The following RHOU variants were observed in gnomAD, a reference collection of about 807,000 sequenced individuals.
RHOU encodes rho-related GTP-binding protein RhoU.
A neutral mutation model predicts 12.6 loss-of-function variants in RHOU; 8 were observed. The ratio of observed to expected loss-of-function variants is 0.64; its 90% confidence interval spans 0.37 to 1.15. The LOEUF (loss-of-function observed/expected upper bound fraction) is 1.15, where lower values mean the gene tolerates loss of function less well. RHOU is among the 50% of genes most tolerant of loss of function. The pLI is 0.01. For missense variants in RHOU, 258 were observed against 347.0 expected (o/e 0.74, Z 2.04); for synonymous variants, 161 against 147.4 (o/e 1.09, Z -0.67).
the RHOU span, among the ~76,000 whole-genome samples, chr1:228,646,940 G>A: frequency 6.6e-6 from 1 of 152,094 alleles, no homozygotes; most frequent in Non-Finnish European, 1.5e-5. Context: ...GGTAAAGAGA[G>A]AGAGGCTAAG....
chr1:228,719,629 C>A, the RHOU span, among the ~76,000 whole-genome samples: 3 of 152,088 alleles, frequency 2.0e-5, no homozygotes, highest in Non-Finnish European at 4.4e-5. Flanking sequence ...ACTTGGGAGG[C>A]TAAGGAGGGA....
At chr1:228,718,868 T>G in the RHOU span, among the ~76,000 whole-genome samples, 3 of 152,054 alleles carry the variant, frequency 2.0e-5, no homozygotes, top group Non-Finnish European at 4.4e-5. Context: ...CAGGAGGGAG[T>G]GCATCTCTTA....
rs964164425 is a variant in RHOU at position 228,735,873 on chromosome 1, G to C, written c.131G>C (p.Gly44Ala). Residue 44 changes from glycine (G) to alanine (A), a missense_variant, in exon 1 of 3, where the codon GGT becomes GCT. Transcript: ENST00000366691. The surrounding 1 kb of genome is among the most constrained non-coding windows in gnomAD (Gnocchi z 8.1). ...CCGGGGGGCCGGGGGCGTGCGGGGG[G>C]TGCCGAGGGGCGCGGCGTCAAGTGC... is the stretch of plus-strand genomic sequence containing the variant. The part of the protein sequence containing the change: ...GEPGGRGRAG[G>A]AEGRGVKCVL... The C allele has an allele frequency of 6.7e-7, 1 of 1,494,094 alleles. No individual in the cohort carries two copies. The highest frequency in any genetic ancestry group is 2.1e-5 in the Admixed American group (1 of 47,368). The allele number at this position is 1,494,094 out of a possible 1,614,324, so 92.6% of individuals were successfully genotyped here.
the RHOU span, among the ~76,000 whole-genome samples, chr1:228,693,047 A>G: frequency 6.6e-6 from 1 of 152,220 alleles, no homozygotes; most frequent in Non-Finnish European, 1.5e-5. Context: ...AGGGTACAAC[A>G]AGGGCCTTTT....
chr1:228,737,566 G>A lies in RHOU; in HGVS notation c.263-107G>A. ...TTAATTCATTAGAGGACCTAAAATA[G>A]GAGCAAAGGGGTTTGGAGTGAGAAT... On this transcript the variant is annotated intron_variant, in intron 1 of 2. Coordinates refer to ENST00000366691, the MANE Select transcript of RHOU (RefSeq NM_021205.6). The surrounding 1 kb of genome is among the most constrained non-coding windows in gnomAD (Gnocchi z 4.1). The A allele has an allele frequency of 1.8e-6, 2 of 1,101,376 alleles. No individual in the cohort carries two copies. The highest frequency in any genetic ancestry group is 2.8e-6 in the Non-Finnish European group (2 of 725,636). 68.2% of individuals were successfully genotyped at this position (1,101,376 alleles called of 1,614,324 possible).
At chr1:228,650,360 C>T in the RHOU span, 1 of 460,938 alleles carries the variant, frequency 2.2e-6, no homozygotes, top group Non-Finnish European at 4.4e-6. Context: ...TTGAGCGTGC[C>T]TGGCTCACTC....
the RHOU span, among the ~76,000 whole-genome samples, chr1:228,711,103 G>A: frequency 6.6e-6 from 1 of 151,732 alleles, no homozygotes; most frequent in African/African-American, 2.4e-5. Context: ...ACTTACAAGG[G>A]ATGTGAAGGA....
At chr1:228,662,332 A>G in the RHOU span, among the ~76,000 whole-genome samples, 222 of 152,360 alleles carry the variant, frequency 1.5e-3, no homozygotes, top group African/African-American at 5.2e-3. Context: ...ATTACTGGGT[A>G]TATACCCAAA....
At chr1:228,668,099 A>G in the RHOU span, among the ~76,000 whole-genome samples, 1 of 152,298 alleles carries the variant, frequency 6.6e-6, no homozygotes, top group South Asian at 2.1e-4. Context: ...TATGTAATGG[A>G]AGCTCCATAA....
At chr1:228,683,228 G>A in the RHOU span, among the ~76,000 whole-genome samples, 1 of 152,180 alleles carries the variant, frequency 6.6e-6, no homozygotes, top group Non-Finnish European at 1.5e-5. Flanking sequence ...TGGTTTGAAG[G>A]AGGCATTATC....
At chr1:228,739,511 TGAG>T (rs1662679606) in intron 2 of RHOU, among the ~76,000 whole-genome samples, 1 of 152,128 alleles carries the variant, frequency 6.6e-6, no homozygotes, top group Admixed American at 6.5e-5. Context: ...TGCAGTGGGC[TGAG>T]ATCGCGTCAC....
At chr1:228,707,184 T>TATATATATATACATATATATATAC in the RHOU span, among the ~76,000 whole-genome samples, 276 of 86,202 alleles carry the variant, frequency 3.2e-3, 16 homozygotes, top group African/African-American at 0.018. Flanking sequence ...ATTAACAAAA[T>TATATATATATACATATATATATAC]ATATATATAT....
the RHOU span, among the ~76,000 whole-genome samples, chr1:228,676,229 C>G: frequency 6.6e-6 from 1 of 151,866 alleles, no homozygotes; most frequent in South Asian, 2.1e-4. Flanking sequence ...CCTTGACCTT[C>G]CAAAGCACTG....
the RHOU span, among the ~76,000 whole-genome samples, chr1:228,717,935 G>A: frequency 6.6e-6 from 1 of 152,252 alleles, no homozygotes; most frequent in East Asian, 1.9e-4. Flanking sequence ...GGACCAGCAG[G>A]GTAGTGTCAT....
At chr1:228,687,898 T>C in the RHOU span, 1 of 818,162 alleles carries the variant, frequency 1.2e-6, no homozygotes, top group South Asian at 1.4e-5. Context: ...CTTTCTAACA[T>C]ATTGTTCTCC....
the RHOU span, among the ~76,000 whole-genome samples, chr1:228,655,637 G>A: frequency 2.6e-5 from 4 of 152,180 alleles, no homozygotes; most frequent in Non-Finnish European, 4.4e-5. Flanking sequence ...TTTGCTAGTC[G>A]CGATTCATTT....
chr1:228,722,310 C>G, the RHOU span, among the ~76,000 whole-genome samples: 1 of 152,134 alleles, frequency 6.6e-6, no homozygotes, highest in Non-Finnish European at 1.5e-5. Flanking sequence ...TTTCCTTTAA[C>G]AAGGGAGTCC....
chr1:228,651,596 C>T, the RHOU span, among the ~76,000 whole-genome samples: 1 of 152,198 alleles, frequency 6.6e-6, no homozygotes, highest in Non-Finnish European at 1.5e-5. Context: ...GAGCACAGCA[C>T]GTGCTGACTA....
At chr1:228,736,061 A>G in intron 1 of RHOU, 57 bp downstream of exon 1, 2 of 1,527,672 alleles carry the variant, frequency 1.3e-6, no homozygotes, top group Non-Finnish European at 1.7e-6. Flanking sequence ...ACCCAGGGGA[A>G]GGAAGGTGGC....
Sources: gnomAD v4.1 joint callset for allele counts (sites outside exome capture counted in the v4.1 genomes callset) on GRCh38, gnomAD v4.1.1 for gene constraint, Gnocchi (gnomAD v3.1) non-coding constraint, MANE v1.5 for transcripts, NCBI Gene and HGNC (gene_info 2026-07-23, HGNC 2026-07-21) for gene names.